The following GLIS3 variants were observed in gnomAD, a reference collection of about 807,000 sequenced individuals.
GLIS3 encodes the protein zinc finger protein GLIS3.
In GLIS3, 53 loss-of-function variants were observed where a neutral mutation model predicts 78.6. The ratio of observed to expected loss-of-function variants is 0.67; its 90% CI spans 0.54 to 0.85. GLIS3 has a LOEUF of 0.85. GLIS3 is among the 40% of genes least tolerant of loss of function. GLIS3 has a pLI of 0.00. For synonymous variants in GLIS3, 684 were observed against 509.9 expected, an observed-to-expected ratio of 1.34 and a Z score of -4.60; for missense variants, 1,703 against 1,231.1, an observed-to-expected ratio of 1.38 and a Z score of -5.74.
chr9:4,223,616 C>G (rs1821517711), intron 2 of GLIS3, among the ~76,000 whole-genome samples: 1 of 152,212 alleles, frequency 6.6e-6, no homozygotes, highest in African/African-American at 2.4e-5. Context: ...TGAACAACCA[C>G]TACTCACATT....
intron 9 of GLIS3, among the ~76,000 whole-genome samples, chr9:3,853,576 T>C (rs143232388): frequency 6.6e-6 from 1 of 152,348 alleles, no homozygotes; most frequent in East Asian, 1.9e-4. Flanking sequence ...GCTTTTTTTG[T>C]CAAATCTTCC....
the GLIS3 span, among the ~76,000 whole-genome samples, chr9:4,459,637 C>T: frequency 1.2e-4 from 19 of 152,186 alleles, no homozygotes; most frequent in South Asian, 4.2e-4. Flanking sequence ...TGGTGGTACA[C>T]GCCTGTGGTC....
intron 2 of GLIS3, among the ~76,000 whole-genome samples, chr9:4,323,659 C>T (rs1185296744): frequency 6.6e-6 from 1 of 152,180 alleles, no homozygotes; most frequent in Non-Finnish European, 1.5e-5. Context: ...ACCTTCAAAG[C>T]ATCATGTATG....
At chr9:3,958,446 G>C (rs1311999588) in intron 4 of GLIS3, among the ~76,000 whole-genome samples, 1 of 152,160 alleles carries the variant, frequency 6.6e-6, no homozygotes, top group African/African-American at 2.4e-5. Flanking sequence ...ATGCCCACAA[G>C]TAATGCTAGT....
intron 6 of GLIS3, among the ~76,000 whole-genome samples, chr9:3,927,321 G>C (rs1272419002): frequency 2.0e-5 from 3 of 152,176 alleles, no homozygotes; most frequent in Non-Finnish European, 2.9e-5. Context: ...AACAAAGATG[G>C]TTTAGTTGGC....
intron 9 of GLIS3, among the ~76,000 whole-genome samples, chr9:3,849,564 ACT>A (rs1402370184): frequency 2.0e-5 from 3 of 151,930 alleles, no homozygotes; most frequent in African/African-American, 7.3e-5. Flanking sequence ...GGCACTGCTG[ACT>A]CTGTGAGGCT....
At chr9:4,324,645 A>G (rs1424002091) in intron 2 of GLIS3, among the ~76,000 whole-genome samples, 1 of 152,230 alleles carries the variant, frequency 6.6e-6, no homozygotes, top group African/African-American at 2.4e-5. Context: ...GACTGAGGTC[A>G]ATCTGAACAC....
At chr9:3,899,815 T>C (rs967476310) in intron 6 of GLIS3, among the ~76,000 whole-genome samples, 2 of 152,188 alleles carry the variant, frequency 1.3e-5, no homozygotes, top group Admixed American at 6.5e-5. Flanking sequence ...AGTTAGACTC[T>C]AGATGGGGAA....
chr9:4,355,684 G>C, the GLIS3 span, among the ~76,000 whole-genome samples: 3 of 152,136 alleles, frequency 2.0e-5, no homozygotes, highest in East Asian at 5.8e-4. Context: ...CACTAACTCA[G>C]CAAACCTCTT....
the GLIS3 span, among the ~76,000 whole-genome samples, chr9:4,431,873 T>G: frequency 6.8e-6 from 1 of 146,490 alleles, no homozygotes; most frequent in South Asian, 2.1e-4. Flanking sequence ...AGCCATATAG[T>G]AAGTATTTTA....
At chr9:4,094,969 T>C (rs562589013) in intron 4 of GLIS3, among the ~76,000 whole-genome samples, 41 of 152,350 alleles carry the variant, frequency 2.7e-4, no homozygotes, top group African/African-American at 8.7e-4. Context: ...TAATACATAG[T>C]GATCAGATCA....
rs146546409 is a variant in GLIS3 at position 4,139,932 on chromosome 9, T to C, written c.389-13991A>G. ...CCCATACAGGTCCACGGCCAGGCAG[T>C]TGGGGACCCCTGGTCTAAGCTACTC... is the stretch of plus-strand genomic sequence containing the variant. On this transcript the variant is annotated intron_variant, in intron 2 of 10. Coordinates refer to ENST00000381971, the MANE Select transcript of GLIS3 (RefSeq NM_001042413.2). Among the ~76,000 whole-genome samples the C allele has an allele frequency of 2.1e-3, 313 of 152,300 alleles. 3 individuals are homozygous for C. Among genetic ancestry groups the C allele is most frequent in the Non-Finnish European group, 3.1e-3 (211 of 68,026 alleles).
rs1165710279 is a variant in GLIS3 at position 3,901,609 on chromosome 9, A to AT, written c.1984-2775_1984-2774insA. 3.3e-5 allele frequency among the ~76,000 whole-genome samples: 5 copies of AT among 152,234 alleles called. No individual in the cohort carries two copies. In the East Asian group the frequency reaches 9.6e-4, roughly 29 times the overall value. On this transcript the variant is annotated intron_variant, in intron 6 of 10. Coordinates refer to ENST00000381971, the MANE Select transcript of GLIS3 (RefSeq NM_001042413.2). ...TAGAGAGAAGTATTTCTTGGGTCTCAGAAAGCTTCATAAAGAGACAAATGC... is the reference window on the plus strand; with the variant it reads ...TAGAGAGAAGTATTTCTTGGGTCTCATGAAAGCTTCATAAAGAGACAAATGC...
In GLIS3 at chr9:4,069,550, C is replaced by G. The variant is rs562446661; in HGVS notation, c.1710+48218G>C. On this transcript the variant is annotated intron_variant, in intron 4 of 10. Coordinates refer to ENST00000381971, the MANE Select transcript of GLIS3 (RefSeq NM_001042413.2). ...TTCTTATTATCTGTGACTAAGGTTT[C>G]TTTTTAACTTATCTGTCAAATACTA... 2.6e-5 allele frequency among the ~76,000 whole-genome samples: 4 copies of G among 152,286 alleles called. No individual in the cohort carries two copies. In the East Asian group the frequency reaches 5.8e-4, roughly 22 times the overall value.
intron 2 of GLIS3, among the ~76,000 whole-genome samples, chr9:4,153,343 C>G (rs570384748): frequency 8.1e-4 from 123 of 152,322 alleles, no homozygotes; most frequent in African/African-American, 2.8e-3. Context: ...GCGGGCAGAT[C>G]ATTTGAGGTC....
chr9:4,477,768 T>C, the GLIS3 span, among the ~76,000 whole-genome samples: 1 of 152,266 alleles, frequency 6.6e-6, no homozygotes, highest in East Asian at 1.9e-4. Context: ...AAAAATGTTC[T>C]GGAGATGGAT....
At chr9:4,457,526 T>C in the GLIS3 span, among the ~76,000 whole-genome samples, 1 of 151,992 alleles carries the variant, frequency 6.6e-6, no homozygotes, top group Non-Finnish European at 1.5e-5. Context: ...CATACATCTT[T>C]GGGCCCTGTA....
the GLIS3 span, among the ~76,000 whole-genome samples, chr9:4,410,764 G>A: frequency 1.3e-5 from 2 of 152,138 alleles, no homozygotes; most frequent in Admixed American, 1.3e-4. Flanking sequence ...GCAAAATTTA[G>A]CTCATATTTA....
At chr9:4,047,052 A>G (rs1432767140) in intron 4 of GLIS3, among the ~76,000 whole-genome samples, 1 of 152,174 alleles carries the variant, frequency 6.6e-6, no homozygotes, top group Non-Finnish European at 1.5e-5. Flanking sequence ...CCCCACCAAA[A>G]TATCACCTGG....
Sources: allele counts gnomAD v4.1 joint callset (sites outside exome capture counted in the v4.1 genomes callset), GRCh38; gene constraint gnomAD v4.1.1; transcripts MANE v1.5; gene names NCBI Gene and HGNC (gene_info 2026-07-23, HGNC 2026-07-21).